Variants in FBXO11 observed in about 807,000 individuals in gnomAD.
FBXO11 encodes F-box only protein 11.
FBXO11 carries 13 observed loss-of-function variants against 117.0 expected under a neutral mutation model. The ratio of observed to expected loss-of-function variants is 0.11; its 90% confidence interval spans 0.07 to 0.18. FBXO11 has a LOEUF of 0.18. FBXO11 is among the 10% of genes least tolerant of loss of function. FBXO11 has a pLI of 1.00. For synonymous variants in FBXO11, 490 were observed against 380.5 expected, an observed-to-expected ratio of 1.29 and a Z score of -3.35; for missense variants, 767 against 1,164.4, an observed-to-expected ratio of 0.66 and a Z score of 4.97.
rs1458526046 is a variant in FBXO11, at chr2:47,832,574, G to C, written c.1258C>G (p.Gln420Glu). Residue 420 changes from glutamine (Q) to glutamate (E), a missense_variant and splice_region_variant, in exon 10 of 23, where the codon CAG becomes GAG. Around this residue, in one of 10 missense-constraint regions of FBXO11, gnomAD observed 33 missense variants for 66.1 expected, o/e 0.50. Transcript: ENST00000403359. ...NVGLYITDHAQGIYEDNEISN... is the reference protein window; with the variant it reads ...NVGLYITDHAEGIYEDNEISN... The stretch of plus-strand genomic sequence containing the variant: ...AACCACACAAAATTAAAAAATACCT[G>C]TGCATGATCTGTTATATATAGTCCA... The C allele has an allele frequency of 1.2e-6, 2 of 1,611,814 alleles. No individual in the cohort carries two copies. Among genetic ancestry groups the C allele is most frequent in the Admixed American group, 3.4e-5 (2 of 59,642 alleles).
chr2:47,824,552 C>CA (rs1645054635), intron 11 of FBXO11, among the ~76,000 whole-genome samples: 1 of 152,158 alleles, frequency 6.6e-6, no homozygotes, highest in Non-Finnish European at 1.5e-5. Context: ...TTAAAAAGTT[C>CA]ACCTTAGCCC....
At chr2:47,843,846 T>C (rs1673201092) in intron 1 of FBXO11, among the ~76,000 whole-genome samples, 1 of 152,202 alleles carries the variant, frequency 6.6e-6, no homozygotes, top group African/African-American at 2.4e-5. Context: ...GTTCAAGCTA[T>C]TCTCCCACCT....
rs141688779 is a variant in FBXO11, at chr2:47,883,450, C to A, written c.232+22039G>T. 72 of 402,914 alleles carry A rather than the reference C, an allele frequency of 1.8e-4. No homozygotes were observed. In the East Asian group the frequency reaches 4.4e-3, roughly 25 times the overall value. 25.0% of individuals were successfully genotyped at this position (402,914 alleles called of 1,614,324 possible). A position where few individuals can be genotyped will look rare whatever the true frequency, so the allele number is the denominator to read the frequency against. ...ATTTCACTCAACCTCAGAGCCGCCA[C>A]CAAAATGCAGATTTTTGTAAAAACC... On this transcript the variant is annotated intron_variant, in intron 1 of 22. Coordinates refer to ENST00000403359, the MANE Select transcript of FBXO11 (RefSeq NM_001190274.2).
intron 1 of FBXO11, among the ~76,000 whole-genome samples, chr2:47,895,416 C>T (rs1330776363): frequency 2.0e-5 from 3 of 152,252 alleles, no homozygotes; most frequent in African/African-American, 7.2e-5. Flanking sequence ...GGAGTACATA[C>T]TGGGGGGTTA....
chr2:47,813,915 A>G (rs188246372), intron 16 of FBXO11, 48 bp from the exon 17 acceptor site: 27 of 1,362,956 alleles, frequency 2.0e-5, no homozygotes, highest in Middle Eastern at 1.8e-4. Context: ...TTCTACTCCC[A>G]TATCTTCATG....
rs1670313457 is a variant in FBXO11 at position 47,807,622 on chromosome 2, T to C, written c.*496A>G. On this transcript the variant is annotated 3_prime_UTR_variant, in exon 23 of 23. Transcript: ENST00000403359. ...TGCTTGAAATTAAAAACAAACTACA[T>C]GAGATTAAAGCATTAAAATCATATT... 4.5e-6 allele frequency: 1 copy of C among 220,550 alleles called. No individual in the cohort carries two copies. The allele number at this position is 220,550 out of a possible 1,614,324, so 13.7% of individuals were successfully genotyped here. A position where few individuals can be genotyped will look rare whatever the true frequency, so the allele number is the denominator to read the frequency against.
At chr2:47,901,230 A>G (rs888946976) in intron 1 of FBXO11, among the ~76,000 whole-genome samples, 1 of 149,884 alleles carries the variant, frequency 6.7e-6, no homozygotes, top group Non-Finnish European at 1.5e-5. Context: ...TCCCACAAAT[A>G]TGGGATTAGA....
chr2:47,886,593 A>G (rs1676869175), intron 1 of FBXO11, among the ~76,000 whole-genome samples: 1 of 152,178 alleles, frequency 6.6e-6, no homozygotes, highest in Admixed American at 6.6e-5. Flanking sequence ...CAGTTCTTTA[A>G]TAGCATACAA....
chr2:47,815,335 C>T (rs1670934587), intron 16 of FBXO11, among the ~76,000 whole-genome samples: 1 of 152,130 alleles, frequency 6.6e-6, no homozygotes, highest in Non-Finnish European at 1.5e-5. Context: ...TGAGGATCTT[C>T]CAGGGAGAAG....
rs116602780 is a variant in FBXO11, at chr2:47,865,103, G to C, written c.233-25334C>G. On this transcript the variant is annotated intron_variant, in intron 1 of 22. Transcript: ENST00000403359. ...TAATTGTAGATATACATGAACCACA[G>C]TGTCTGGCAGGTAATAAGTGCTCAA... 2.5e-3 allele frequency among the ~76,000 whole-genome samples: 374 copies of C among 152,316 alleles called. 1 individual carries two copies. Among genetic ancestry groups the C allele is most frequent in the Non-Finnish European group, 3.8e-3 (256 of 68,036 alleles).
Position 47,838,875 on chromosome 2 carries a change from T to A in FBXO11, c.571A>T (p.Asn191Tyr). 6.2e-7 allele frequency: 1 copy of A among 1,613,664 alleles called. No individual in the cohort carries two copies. The highest frequency in any genetic ancestry group is 8.5e-7 in the Non-Finnish European group (1 of 1,179,764). ...CVCKRFSELA[N>Y]DPILWKRLYM... Reference sequence around the variant, plus strand: ...TTTACTTACCACAAAATTGGATCATTAGCAAGTTCACTGAAGCGTTTACAT... The same window carrying A: ...TTTACTTACCACAAAATTGGATCATAAGCAAGTTCACTGAAGCGTTTACAT... Residue 191 changes from asparagine to tyrosine, a missense_variant, in exon 4 of 23, where the codon AAT becomes TAT. By Grantham distance (143) the Asn-to-Tyr change is moderately radical. Transcript: ENST00000403359.
intron 1 of FBXO11, among the ~76,000 whole-genome samples, chr2:47,877,219 G>A (rs573606751): frequency 6.6e-6 from 1 of 151,956 alleles, no homozygotes; most frequent in South Asian, 2.1e-4. Context: ...GTAGAGATGA[G>A]GTTTTGCTAT....
intron 1 of FBXO11, among the ~76,000 whole-genome samples, chr2:47,890,365 A>G (rs1406450314): frequency 6.6e-6 from 1 of 152,208 alleles, no homozygotes; most frequent in Non-Finnish European, 1.5e-5. Context: ...GAATAAAAAT[A>G]TAGATGTCTA....
At chr2:47,879,798 T>A (rs959446571) in intron 1 of FBXO11, among the ~76,000 whole-genome samples, 1 of 152,196 alleles carries the variant, frequency 6.6e-6, no homozygotes, top group African/African-American at 2.4e-5. Flanking sequence ...ACCACCACTC[T>A]ACTTTGTTTC....
At chr2:47,810,257 C>A in intron 19 of FBXO11, 59 bp downstream of exon 19, 2 of 1,114,268 alleles carry the variant, frequency 1.8e-6, no homozygotes, top group East Asian at 5.0e-5. Context: ...GAATATACTC[C>A]ACATCAAACA....
intron 1 of FBXO11, among the ~76,000 whole-genome samples, chr2:47,892,473 T>C (rs1200194180): frequency 1.3e-5 from 2 of 152,210 alleles, no homozygotes; most frequent in Non-Finnish European, 2.9e-5. Flanking sequence ...CATCCGGATC[T>C]TCCAGCTCAG....
intron 19 of FBXO11, 27 bp downstream of exon 19, chr2:47,810,289 C>T: frequency 6.9e-7 from 1 of 1,452,110 alleles, no homozygotes; most frequent in Non-Finnish European, 9.5e-7. Context: ...TATATATAAG[C>T]CACAGGTAAG....
intron 1 of FBXO11, among the ~76,000 whole-genome samples, chr2:47,885,666 A>G (rs1296567456): frequency 6.6e-6 from 1 of 152,224 alleles, no homozygotes; most frequent in East Asian, 1.9e-4. Context: ...CAAGACTTGG[A>G]AAAGATTGTT....
rs749888790 is a variant in FBXO11, at chr2:47,813,423, TA to T, written c.2084-47del. The T allele has an allele frequency of 8.6e-6, 9 of 1,044,244 alleles. No individual in the cohort carries two copies. In the African/African-American group the frequency reaches 9.0e-5, roughly 10 times the overall value. The allele number at this position is 1,044,244 out of a possible 1,614,324, so 64.7% of individuals were successfully genotyped here. On this transcript the variant is annotated intron_variant, in intron 17 of 22. Transcript: ENST00000403359. ...GTTATCTAGAAGGTATATTTCTTTT[TA>T]ATTTTTTTTTTTTTTTTTTTTTTTG... is the stretch of plus-strand genomic sequence containing the variant.
Sources: allele counts gnomAD v4.1 joint callset (sites outside exome capture counted in the v4.1 genomes callset), GRCh38; gene constraint gnomAD v4.1.1; regional missense constraint gnomAD v4.1.1; transcripts MANE v1.5; gene names NCBI Gene and HGNC (gene_info 2026-07-23, HGNC 2026-07-21).